HAL: variants seen among roughly 807,000 people sequenced by gnomAD.
The protein encoded by HAL is histidase.
Under a neutral mutation model 81.1 loss-of-function variants are expected in HAL, and 85 were observed. That is an observed-to-expected ratio of 1.05 (90% CI 0.88 to 1.25). The LOEUF (loss-of-function observed/expected upper bound fraction) is 1.25. Ranked by LOEUF, HAL falls within the 50% of genes most tolerant of loss-of-function variation. HAL has a pLI of 0.00. For synonymous variants in HAL, 301 were observed against 309.2 expected (o/e 0.97, Z 0.28); for missense variants, 798 against 836.6 (o/e 0.95, Z 0.57).
intron 4 of HAL, 27 bp downstream of exon 4, chr12:95,994,771 A>T (rs1592852377): frequency 1.2e-6 from 2 of 1,610,486 alleles, no homozygotes; most frequent in African/African-American, 2.7e-5. Context: ...AATTTTCTGA[A>T]GAAAAAGAAA....
intron 9 of HAL, among the ~76,000 whole-genome samples, chr12:95,992,273 G>A (rs1344238167): frequency 2.0e-5 from 3 of 152,202 alleles, no homozygotes; most frequent in Non-Finnish European, 4.4e-5. Context: ...GGGACATTAC[G>A]ATTTCAGATT....
Position 95,980,652 on chromosome 12 carries a change from A to C in HAL, c.1423T>G (p.Cys475Gly). The change falls in exon 17 of 21, where the codon TGC becomes GGC. Residue 475 changes from cysteine (C) to glycine (G), a missense_variant. By Grantham distance (159) the Cys-to-Gly change is radical. Transcript: ENST00000261208. ...GGCAGCTCACTGAGGGAGGGATTGC[A>C]GAGCCGCTCGATTCTTCTCTCACTG... is the stretch of plus-strand genomic sequence containing the variant. Reference protein sequence around the residue: ...AISERRIERLCNPSLSELPAF... With the variant: ...AISERRIERLGNPSLSELPAF... 1 of 1,614,004 alleles carries C rather than the reference A, an allele frequency of 6.2e-7. No individual in the cohort carries two copies. Among genetic ancestry groups the C allele is most frequent in the Non-Finnish European group, 8.5e-7 (1 of 1,179,848 alleles).
At chr12:95,994,775 A>G in intron 4 of HAL, 23 bp downstream of exon 4, 1 of 1,612,234 alleles carries the variant, frequency 6.2e-7, no homozygotes, top group Non-Finnish European at 8.5e-7. Flanking sequence ...TTCTGAAGAA[A>G]AAGAAAGTGG....
intron 14 of HAL, among the ~76,000 whole-genome samples, chr12:95,984,780 T>C (rs1949859102): frequency 6.6e-6 from 1 of 152,242 alleles, no homozygotes; most frequent in South Asian, 2.1e-4. Flanking sequence ...ATCAGGGAAG[T>C]CTTACATCAG....
At chr12:95,992,246 G>C (rs1360358287) in intron 9 of HAL, among the ~76,000 whole-genome samples, 1 of 152,240 alleles carries the variant, frequency 6.6e-6, no homozygotes. Flanking sequence ...TAGTGTGCAA[G>C]TCTGGCCATC....
chr12:95,976,357 T>C, intron 20 of HAL, 72 bp downstream of exon 20: 4 of 1,178,572 alleles, frequency 3.4e-6, no homozygotes, highest in Non-Finnish European at 3.8e-6. Context: ...AATAAGGCAA[T>C]GTTTCTCCAT....
intron 15 of HAL, 129 bp from the exon 16 acceptor site, chr12:95,980,992 G>A: frequency 1.3e-6 from 1 of 742,514 alleles, no homozygotes; most frequent in South Asian, 1.4e-5. Flanking sequence ...AAAGAGACAA[G>A]TCTTCCTGCA....
intron 20 of HAL, among the ~76,000 whole-genome samples, chr12:95,975,895 G>A (rs1248087187): frequency 6.6e-6 from 1 of 152,142 alleles, no homozygotes; most frequent in African/African-American, 2.4e-5. Flanking sequence ...CAGCATGCTG[G>A]GCATCTGTAC....
At position 95,976,464 on chromosome 12, in the gene HAL, T is replaced by C. The variant is rs759881725; in HGVS notation, c.1798A>G (p.Ile600Val). The C allele has an allele frequency of 6.8e-6, 11 of 1,614,160 alleles. No individual in the cohort carries two copies. Among genetic ancestry groups the C allele is most frequent in the South Asian group, 1.1e-5 (1 of 91,080 alleles). The part of the protein sequence containing the change: ...WIKDRFMAPD[I>V]EAAHRLLLEQ... ...AGGAGCAGCCTGTGGGCTGCCTCGA[T>C]GTCCGGGGCCATGAAGCGATCTTTT... is the stretch of plus-strand genomic sequence containing the variant. Residue 600 changes from isoleucine (I) to valine (V), a missense_variant, in exon 20 of 21, where the codon ATC (isoleucine) becomes GTC (valine). Coordinates refer to ENST00000261208, the MANE Select transcript of HAL (RefSeq NM_002108.4).
At chr12:95,976,520 C>T (rs371028468) in intron 19 of HAL, 22 bp from the exon 20 acceptor site, 13 of 1,612,648 alleles carry the variant, frequency 8.1e-6, no homozygotes, top group Non-Finnish European at 8.5e-6. Flanking sequence ...GCACATCCGC[C>T]CATCAGCCAA....
chr12:95,995,779 GCCA>G lies in HAL; in HGVS notation c.129_131del (p.Gly44del), dbSNP rs1286301877. On this transcript the variant is annotated inframe_deletion, in exon 2 of 21. Transcript: ENST00000261208. ...AGTGCGCGTCATCCACGGAGGTGAA[GCCA>G]CCATTGTCGGGCTTATTCTTGATAT... The G allele has an allele frequency of 3.1e-6, 5 of 1,613,642 alleles. No individual in the cohort carries two copies. In the Admixed American group the frequency reaches 8.3e-5, roughly 27 times the overall value.
chr12:95,986,244 G>T, intron 12 of HAL, 84 bp from the exon 13 acceptor site: 2 of 852,012 alleles, frequency 2.3e-6, no homozygotes, highest in African/African-American at 1.7e-5. Context: ...CGTTCCCCAG[G>T]CTGGTTTCAA....
chr12:95,996,166 T>G lies in HAL; in HGVS notation c.-170A>C, dbSNP rs1279330126. ...CTCCTGTCCACTTTCCATCCAGACC[T>G]GCTGCCAGAAAGGCCTGGGGTCTCC... On this transcript the variant is annotated 5_prime_UTR_variant, in exon 1 of 21. Coordinates refer to ENST00000261208, the MANE Select transcript of HAL (RefSeq NM_002108.4). The G allele has an allele frequency of 2.0e-6, 1 of 498,408 alleles. No individual in the cohort carries two copies. Among genetic ancestry groups the G allele is most frequent in the Non-Finnish European group, 3.7e-6 (1 of 270,430 alleles). 30.9% of individuals were successfully genotyped at this position (498,408 alleles called of 1,614,324 possible).
At chr12:95,987,529 T>C (rs1032407875) in intron 11 of HAL, among the ~76,000 whole-genome samples, 6 of 152,138 alleles carry the variant, frequency 3.9e-5, no homozygotes, top group Non-Finnish European at 7.3e-5. Flanking sequence ...TTGCATTTCT[T>C]CCTTAAATTC....
chr12:95,987,266 C>T (rs1287065444), intron 11 of HAL, 52 bp from the exon 12 acceptor site: 1 of 1,469,564 alleles, frequency 6.8e-7, no homozygotes, highest in Non-Finnish European at 9.5e-7. Context: ...AACGAACCTA[C>T]ATACCCGTGG....
intron 15 of HAL, among the ~76,000 whole-genome samples, chr12:95,981,189 C>G (rs567078618): frequency 1.2e-4 from 11 of 89,762 alleles, no homozygotes; most frequent in African/African-American, 6.6e-4. Context: ...TAGCCTGAAA[C>G]TAAAAACAGA....
intron 15 of HAL, chr12:95,983,579 CCAA>C (rs1423710760): frequency 1.0e-5 from 4 of 381,784 alleles, no homozygotes; most frequent in Non-Finnish European, 1.9e-5. Flanking sequence ...CACCCTTCCA[CCAA>C]CAACCTTGGC....
chr12:95,993,343 GT>G, intron 8 of HAL, 107 bp downstream of exon 8: 1 of 820,502 alleles, frequency 1.2e-6, no homozygotes, highest in Admixed American at 1.7e-5. Context: ...TTGAAATGCT[GT>G]TTTGAGAAAC....
chr12:95,987,118 C>T lies in HAL; in HGVS notation c.1000G>A (p.Ala334Thr), dbSNP rs889625949. 2.1e-5 allele frequency: 34 copies of T among 1,611,736 alleles called. No homozygotes were observed. Among genetic ancestry groups the T allele is most frequent in the East Asian group, 1.3e-4 (6 of 44,890 alleles). Residue 334 changes from alanine (A) to threonine (T), a missense_variant, in exon 12 of 21, where the codon GCA (alanine) becomes ACA (threonine). Transcript: ENST00000261208. ...TTCAGCACCTCAAGGGTCAGGGCTG[C>T]CACAATGTCAGCCTGCCGTGCAATA... The part of the protein sequence containing the change: ...SAIARQADIV[A>T]ALTLEVLKGT...
Sources: allele counts gnomAD v4.1 joint callset (sites outside exome capture counted in the v4.1 genomes callset), GRCh38; gene constraint gnomAD v4.1.1; transcripts MANE v1.5; gene names NCBI Gene and HGNC (gene_info 2026-07-23, HGNC 2026-07-21).